The following SIK2 variants were observed in gnomAD, a reference collection of about 807,000 sequenced individuals.
The protein encoded by SIK2 is serine/threonine-protein kinase SIK2.
Under a neutral mutation model 103.2 loss-of-function variants are expected in SIK2, and 29 were observed. That is an observed-to-expected ratio of 0.28 (90% CI 0.21 to 0.38). The LOEUF is 0.38. Among genes scored for constraint, SIK2 ranks in the 10% least tolerant of loss-of-function variants. The pLI, the probability that SIK2 is intolerant of heterozygous loss-of-function variation, is 1.00. For synonymous variants in SIK2, 412 were observed against 446.1 expected (o/e 0.92, Z 0.96); for missense variants, 879 against 1,171.0 (o/e 0.75, Z 3.64).
chr11:111,617,328 A>C (rs964987508), intron 2 of SIK2, among the ~76,000 whole-genome samples: 2 of 152,222 alleles, frequency 1.3e-5, no homozygotes, highest in Non-Finnish European at 2.9e-5. Context: ...AATATAGTAC[A>C]AAATATTGAA....
At position 111,730,800 on chromosome 11, in the gene SIK2, T is replaced by C. The variant is rs1384141973; in HGVS notation, c.*6671T>C. 6.6e-6 allele frequency: 1 copy of C among 152,262 alleles called. No homozygotes were observed. The highest frequency in any genetic ancestry group is 1.5e-5 in the Non-Finnish European group (1 of 68,048). The allele number at this position is 152,262 out of a possible 1,614,324, so 9.4% of individuals were successfully genotyped here. A position where few individuals can be genotyped will look rare whatever the true frequency, so the allele number is the denominator to read the frequency against. On this transcript the variant is annotated 3_prime_UTR_variant, in exon 15 of 15. Coordinates refer to ENST00000304987, the MANE Select transcript of SIK2 (RefSeq NM_015191.3). ...GTAATTTTCTGCAAGGAAAATGTAC[T>C]GTTTTTATGTTTCCAACCCTCTTGA...
chr11:111,613,130 G>T (rs1299945845), intron 1 of SIK2, among the ~76,000 whole-genome samples: 3 of 150,574 alleles, frequency 2.0e-5, no homozygotes, highest in Non-Finnish European at 3.0e-5. Flanking sequence ...CTTTTTCATT[G>T]TTGAGGCCAA....
At chr11:111,624,296 A>G (rs926785127) in intron 3 of SIK2, among the ~76,000 whole-genome samples, 1 of 152,086 alleles carries the variant, frequency 6.6e-6, no homozygotes, top group African/African-American at 2.4e-5. Flanking sequence ...CTTTTGCTTA[A>G]TTTTTTCTTT....
At chr11:111,606,821 T>G (rs1460315728) in intron 1 of SIK2, among the ~76,000 whole-genome samples, 1 of 151,976 alleles carries the variant, frequency 6.6e-6, no homozygotes, top group Non-Finnish European at 1.5e-5. Context: ...AATTTAAAAG[T>G]ATAAATAGGA....
chr11:111,681,721 G>GA (rs201516138), intron 3 of SIK2, among the ~76,000 whole-genome samples: 1,996 of 152,026 alleles, frequency 0.013, 21 homozygotes, highest in Non-Finnish European at 0.021. Flanking sequence ...TAGTTGACAA[G>GA]AAAAAATACT....
chr11:111,608,234 C>G (rs909614919), intron 1 of SIK2, among the ~76,000 whole-genome samples: 5 of 152,108 alleles, frequency 3.3e-5, no homozygotes, highest in Non-Finnish European at 7.4e-5. Flanking sequence ...GAAAGATAAA[C>G]TTGGAAATTC....
chr11:111,622,317 A>C (rs1404123952), intron 3 of SIK2, among the ~76,000 whole-genome samples: 1 of 128,658 alleles, frequency 7.8e-6, no homozygotes, highest in Non-Finnish European at 1.5e-5. Flanking sequence ...GTGCAGTGGC[A>C]CGATCTCAGC....
At position 111,640,423 on chromosome 11, in the gene SIK2, G is replaced by T. The variant is rs57150709; in HGVS notation, c.316+20021G>T. 6.7e-3 allele frequency among the ~76,000 whole-genome samples: 1,022 copies of T among 151,836 alleles called. 15 individuals are homozygous for T. The highest frequency in any genetic ancestry group is 0.023 in the African/African-American group (960 of 41,412). The stretch of plus-strand genomic sequence containing the variant: ...GATTTGCTTTTCATTAAATATTGGG[G>T]GTTCTTAAAATGTAAATATCCAGCT... On this transcript the variant is annotated intron_variant, in intron 3 of 14. Transcript: ENST00000304987.
At chr11:111,630,980 A>C (rs544814799) in intron 3 of SIK2, among the ~76,000 whole-genome samples, 40 of 152,244 alleles carry the variant, frequency 2.6e-4, no homozygotes, top group Admixed American at 1.7e-3. Context: ...AAACAGCTAG[A>C]AAAGAAAAGA....
At chr11:111,626,504 C>G (rs1002333796) in intron 3 of SIK2, among the ~76,000 whole-genome samples, 1 of 151,566 alleles carries the variant, frequency 6.6e-6, no homozygotes, top group African/African-American at 2.4e-5. Context: ...ATTCTACTTC[C>G]TAAGTATTTC....
rs118044318 is a variant in SIK2 at position 111,628,555 on chromosome 11, A to G, written c.316+8153A>G. ...CTGGGCTCAAGCAATCCTCCTAAGT[A>G]GCTGGGACTACAAGTGTGTGCCACC... is the stretch of plus-strand genomic sequence containing the variant. On this transcript the variant is annotated intron_variant, in intron 3 of 14. Coordinates refer to ENST00000304987, the MANE Select transcript of SIK2 (RefSeq NM_015191.3). Among the ~76,000 whole-genome samples, 215 of 151,686 alleles carry G rather than the reference A, an allele frequency of 1.4e-3. No individual in the cohort carries two copies. In the East Asian group the frequency reaches 0.038, roughly 27 times the overall value.
intron 3 of SIK2, among the ~76,000 whole-genome samples, chr11:111,646,559 A>T (rs1942260211): frequency 1.3e-5 from 2 of 152,086 alleles, no homozygotes. Flanking sequence ...CACCACCCCT[A>T]AGTTTCCTCA....
chr11:111,716,407 A>G (rs1013412795), intron 9 of SIK2, among the ~76,000 whole-genome samples: 18 of 139,980 alleles, frequency 1.3e-4, no homozygotes, highest in Non-Finnish European at 1.3e-4. Flanking sequence ...CAAAACCCCA[A>G]CTCTACTAAA....
chr11:111,720,079 A>T, intron 10 of SIK2, 76 bp downstream of exon 10: 1 of 1,424,770 alleles, frequency 7.0e-7, no homozygotes, highest in Non-Finnish European at 9.7e-7. Context: ...AGTGGTCACG[A>T]TGCCAGCCAA....
At chr11:111,649,848 T>G (rs1942305486) in intron 3 of SIK2, among the ~76,000 whole-genome samples, 1 of 152,136 alleles carries the variant, frequency 6.6e-6, no homozygotes, top group Non-Finnish European at 1.5e-5. Flanking sequence ...ACTAACAAGA[T>G]CTTTTCTCCA....
Position 111,724,040 on chromosome 11 carries a change from C to G in SIK2, c.2692C>G (p.Leu898Val). 1 of 1,614,182 alleles carries G rather than the reference C, an allele frequency of 6.2e-7. No individual in the cohort carries two copies. Among genetic ancestry groups the G allele is most frequent in the African/African-American group, 1.3e-5 (1 of 75,076 alleles). Residue 898 changes from leucine to valine, a missense_variant, in exon 15 of 15, where the codon CTA (leucine) becomes GTA (valine). Physicochemically the swap from Leu to Val is conservative, Grantham distance 32. Around this residue, in one of 7 missense-constraint regions of SIK2, gnomAD observed 375 missense variants for 416.3 expected, o/e 0.90. Transcript: ENST00000304987. ...LQEAPSSYDP[L>V]ALSELPGLFD... ...AGAGGCCCCCTCCAGCTACGACCCA[C>G]TAGCCCTCTCTGAGCTACCTGGACT... is the stretch of plus-strand genomic sequence containing the variant.
At chr11:111,687,471 C>T (rs1318211333) in intron 3 of SIK2, among the ~76,000 whole-genome samples, 2 of 147,870 alleles carry the variant, frequency 1.4e-5, no homozygotes, top group Admixed American at 6.8e-5. Context: ...GCTGAGATCA[C>T]GCCACTACAC....
chr11:111,658,973 CAT>C (rs761690785), intron 3 of SIK2, among the ~76,000 whole-genome samples: 1 of 152,086 alleles, frequency 6.6e-6, no homozygotes, highest in Non-Finnish European at 1.5e-5. Context: ...GAAAGGTTAA[CAT>C]GTGTCAGAGA....
At position 111,724,375 on chromosome 11, in the gene SIK2, C is replaced by G. The variant is rs937711388; in HGVS notation, c.*246C>G. 10 of 536,364 alleles carry G rather than the reference C, an allele frequency of 1.9e-5. No homozygotes were observed. The highest frequency in any genetic ancestry group is 3.0e-5 in the Non-Finnish European group (9 of 303,330). 33.2% of individuals were successfully genotyped at this position (536,364 alleles called of 1,614,324 possible). On this transcript the variant is annotated 3_prime_UTR_variant, in exon 15 of 15. Transcript: ENST00000304987. ...TAGGCTGAGGCTCCTGCCCTTCGGT[C>G]GAGTGGAGCAAGCTCTCGAGGGCAG...
Sources: allele counts gnomAD v4.1 joint callset (sites outside exome capture counted in the v4.1 genomes callset), GRCh38; gene constraint gnomAD v4.1.1; regional missense constraint gnomAD v4.1.1; transcripts MANE v1.5; gene names NCBI Gene and HGNC (gene_info 2026-07-23, HGNC 2026-07-21).